The following GJA4 variants were observed in gnomAD, a reference collection of about 807,000 sequenced individuals.
GJA4 encodes the protein gap junction protein alpha 4, also known as gap junction alpha-4 protein.
A neutral mutation model predicts 25.1 loss-of-function variants in GJA4; 13 were observed. The ratio of observed to expected loss-of-function variants is 0.52; its 90% CI spans 0.34 to 0.82. GJA4 has a LOEUF of 0.82. Among genes scored for constraint, GJA4 ranks in the 40% least tolerant of loss-of-function variants. The pLI, the probability that GJA4 is intolerant of heterozygous loss-of-function variation, is 0.02. For synonymous variants in GJA4, 167 were observed against 193.9 expected, an observed-to-expected ratio of 0.86 and a Z score of 1.15; for missense variants, 357 against 443.5, an observed-to-expected ratio of 0.80 and a Z score of 1.75.
At position 34,794,596 on chromosome 1, in the gene GJA4, C is replaced by T. The variant is rs147128480; in HGVS notation, c.383C>T (p.Ala128Val). ...AKDPQVERAL[A>V]AVERQMAKIS... ...GACCCACAGGTGGAGCGGGCGCTGGCGGCCGTAGAGCGTCAGATGGCCAAG... is the reference window on the plus strand; with the variant it reads ...GACCCACAGGTGGAGCGGGCGCTGGTGGCCGTAGAGCGTCAGATGGCCAAG... The change falls in exon 2 of 2, where the codon GCG becomes GTG. Residue 128 changes from alanine (A) to valine (V), a missense_variant. Around this residue, in one of 2 missense-constraint regions of GJA4, gnomAD observed 278 missense variants for 298.1 expected, o/e 0.93. Coordinates refer to ENST00000342280, the MANE Select transcript of GJA4 (RefSeq NM_002060.3). This position sits in a 1 kb window ranked among gnomAD's most constrained non-coding sequence, Gnocchi z 7.8. 1.9e-5 allele frequency: 30 copies of T among 1,606,166 alleles called. No individual in the cohort carries two copies. In the East Asian group the frequency reaches 3.6e-4, roughly 19 times the overall value.
Position 34,793,037 on chromosome 1 carries a change from C to A in GJA4, c.-49C>A. On this transcript the variant is annotated 5_prime_UTR_variant, in exon 1 of 2. Transcript: ENST00000342280. Reference sequence around the variant, plus strand: ...CGGGCGTCACTCCGGCCATCGTCCCCACCTCCACCTGGGCCGCCCGGCAGG... The same window carrying A: ...CGGGCGTCACTCCGGCCATCGTCCCAACCTCCACCTGGGCCGCCCGGCAGG... 1 of 346,092 alleles carries A rather than the reference C, an allele frequency of 2.9e-6. No homozygotes were observed. Among genetic ancestry groups the A allele is most frequent in the Non-Finnish European group, 5.7e-6 (1 of 174,546 alleles). 21.4% of individuals were successfully genotyped at this position (346,092 alleles called of 1,614,324 possible). A position where few individuals can be genotyped will look rare whatever the true frequency, so the allele number is the denominator to read the frequency against.
Position 34,794,970 on chromosome 1 carries a change from G to A in GJA4, c.757G>A (p.Gly253Ser), listed in dbSNP as rs768388317. 4.3e-6 allele frequency: 7 copies of A among 1,613,966 alleles called. No homozygotes were observed. Among genetic ancestry groups the A allele is most frequent in the Non-Finnish European group, 5.1e-6 (6 of 1,180,008 alleles). ...RQGQDAPPTQ[G>S]TSSDPYTDQV... ...AGGCCAAGACGCACCCCCGACCCAG[G>A]GCACCTCCTCAGACCCTTACACGGA... The change falls in exon 2 of 2, where the codon GGC (glycine) becomes AGC (serine). Residue 253 changes from glycine (G) to serine (S), a missense_variant. Gly to Ser is a moderately conservative substitution (Grantham distance 56). Coordinates refer to ENST00000342280, the MANE Select transcript of GJA4 (RefSeq NM_002060.3). This position sits in a 1 kb window ranked among gnomAD's most constrained non-coding sequence, Gnocchi z 7.8.
intron 1 of GJA4, 103 bp downstream of exon 1, chr1:34,793,171 C>CCCG (rs1432934188): frequency 4.0e-6 from 1 of 251,588 alleles, no homozygotes; most frequent in African/African-American, 2.4e-5. Context: ...CTGCGGAACG[C>CCCG]CCGCCGCGAC....
chr1:34,794,604 G>C lies in GJA4; in HGVS notation c.391G>C (p.Glu131Gln), dbSNP rs376427272. 2 of 1,605,684 alleles carry C rather than the reference G, an allele frequency of 1.2e-6. No homozygotes were observed. Among genetic ancestry groups the C allele is most frequent in the African/African-American group, 2.7e-5 (2 of 74,922 alleles). The stretch of plus-strand genomic sequence containing the variant: ...GGTGGAGCGGGCGCTGGCGGCCGTA[G>C]AGCGTCAGATGGCCAAGATCTCGGT... ...PQVERALAAV[E>Q]RQMAKISVAE... is the part of the protein sequence containing the mutation. The change falls in exon 2 of 2, where the codon GAG becomes CAG. Residue 131 changes from glutamate to glutamine, a missense_variant. By Grantham distance (29) the Glu-to-Gln change is conservative. Around this residue, in one of 2 missense-constraint regions of GJA4, gnomAD observed 278 missense variants for 298.1 expected, o/e 0.93. Transcript: ENST00000342280. The surrounding 1 kb of genome is among the most constrained non-coding windows in gnomAD (Gnocchi z 7.8).
Position 34,794,901 on chromosome 1 carries a change from C to G in GJA4, c.688C>G (p.His230Asp), listed in dbSNP as rs1253474055. ...GGTGCTTAACCTGCTGGAGTTGGTG[C>G]ACCTGCTGTGTCGCTGCCTCAGCCG... ...SLVLNLLELV[H>D]LLCRCLSRGM... The change falls in exon 2 of 2, where the codon CAC becomes GAC. Residue 230 changes from histidine to aspartate, a missense_variant. His to Asp is a moderately conservative substitution (Grantham distance 81). Coordinates refer to ENST00000342280, the MANE Select transcript of GJA4 (RefSeq NM_002060.3). This position sits in a 1 kb window ranked among gnomAD's most constrained non-coding sequence, Gnocchi z 7.8. 1 of 1,614,176 alleles carries G rather than the reference C, an allele frequency of 6.2e-7. No individual in the cohort carries two copies. The highest frequency in any genetic ancestry group is 2.2e-5 in the East Asian group (1 of 44,868).
chr1:34,794,150 G>C lies in GJA4; in HGVS notation c.-17-47G>C. 1 of 1,480,868 alleles carries C rather than the reference G, an allele frequency of 6.8e-7. No individual in the cohort carries two copies. Among genetic ancestry groups the C allele is most frequent in the Non-Finnish European group, 9.2e-7 (1 of 1,081,824 alleles). 91.7% of individuals were successfully genotyped at this position (1,480,868 alleles called of 1,614,324 possible). A position where few individuals can be genotyped will look rare whatever the true frequency, so the allele number is the denominator to read the frequency against. ...CCTGCAGGCTTGTTGCTGGGCGAACGAGAAGGATGCCATGCTGACACACTG... is the reference window on the plus strand; with the variant it reads ...CCTGCAGGCTTGTTGCTGGGCGAACCAGAAGGATGCCATGCTGACACACTG... On this transcript the variant is annotated intron_variant, in intron 1 of 1. Transcript: ENST00000342280. This position sits in a 1 kb window ranked among gnomAD's most constrained non-coding sequence, Gnocchi z 7.8.
At chr1:34,793,283 A>G (rs1471705394) in intron 1 of GJA4, among the ~76,000 whole-genome samples, 1 of 152,238 alleles carries the variant, frequency 6.6e-6, no homozygotes, top group Non-Finnish European at 1.5e-5. Flanking sequence ...TTTCCACTCT[A>G]TCGTGGAGGA....
Position 34,795,529 on chromosome 1 carries a change from T to G in GJA4, c.*314T>G. 3.2e-6 allele frequency: 1 copy of G among 315,906 alleles called. No homozygotes were observed. Among genetic ancestry groups the G allele is most frequent in the Admixed American group, 4.7e-5 (1 of 21,404 alleles). 19.6% of individuals were successfully genotyped at this position (315,906 alleles called of 1,614,324 possible). ...GATCCAGAGGAACCCAGAGCCAACTTACCCCAACCTCACCCTATGGAACAG... is the reference window on the plus strand; with the variant it reads ...GATCCAGAGGAACCCAGAGCCAACTGACCCCAACCTCACCCTATGGAACAG... On this transcript the variant is annotated 3_prime_UTR_variant, in exon 2 of 2. Transcript: ENST00000342280.
chr1:34,794,581 T>G lies in GJA4; in HGVS notation c.368T>G (p.Val123Gly). 6.2e-7 allele frequency: 1 copy of G among 1,607,186 alleles called. No homozygotes were observed. Among genetic ancestry groups the G allele is most frequent in the Non-Finnish European group, 8.5e-7 (1 of 1,179,732 alleles). The change falls in exon 2 of 2, where the codon GTG (valine) becomes GGG (glycine). Residue 123 changes from valine to glycine, a missense_variant. This residue lies in a region of GJA4 where 278 missense variants were observed against 298.1 expected (regional missense o/e 0.93). Transcript: ENST00000342280. The surrounding 1 kb of genome is among the most constrained non-coding windows in gnomAD (Gnocchi z 7.8). Reference sequence around the variant, plus strand: ...GCACTGCCGGCCAAGGACCCACAGGTGGAGCGGGCGCTGGCGGCCGTAGAG... The same window carrying G: ...GCACTGCCGGCCAAGGACCCACAGGGGGAGCGGGCGCTGGCGGCCGTAGAG... ...LRALPAKDPQ[V>G]ERALAAVERQ...
Position 34,794,098 on chromosome 1 carries a change from G to A in GJA4, c.-17-99G>A. On this transcript the variant is annotated intron_variant, in intron 1 of 1. Transcript: ENST00000342280. This position sits in a 1 kb window ranked among gnomAD's most constrained non-coding sequence, Gnocchi z 7.8. The stretch of plus-strand genomic sequence containing the variant: ...CCCCTTCCTGAGCCTGGGTTTCTTT[G>A]TAGGTAGAACGGGCGTGGCAGACCT... 4.3e-6 allele frequency: 4 copies of A among 928,990 alleles called. No homozygotes were observed. Among genetic ancestry groups the A allele is most frequent in the Non-Finnish European group, 6.5e-6 (4 of 619,394 alleles). The allele number at this position is 928,990 out of a possible 1,614,324, so 57.5% of individuals were successfully genotyped here.
At chr1:34,793,336 G>A (rs1640215733) in intron 1 of GJA4, among the ~76,000 whole-genome samples, 1 of 152,256 alleles carries the variant, frequency 6.6e-6, no homozygotes, top group Admixed American at 6.5e-5. Flanking sequence ...AGGGGCCGCA[G>A]TTACTAAAAG....
chr1:34,794,225 G>T lies in GJA4; in HGVS notation c.12G>T (p.Trp4Cys), dbSNP rs1456966538. The change falls in exon 2 of 2, where the codon TGG becomes TGT. Residue 4 changes from tryptophan (W) to cysteine (C), a missense_variant. Trp to Cys is a radical substitution (Grantham distance 215). Transcript: ENST00000342280. The surrounding 1 kb of genome is among the most constrained non-coding windows in gnomAD (Gnocchi z 7.8). ...GAGGCCCGGGAGCCATGGGTGACTG[G>T]GGCTTCCTGGAGAAGTTGCTGGACC... MGD[W>C]GFLEKLLDQV... is the part of the protein sequence containing the mutation. 1 of 1,613,858 alleles carries T rather than the reference G, an allele frequency of 6.2e-7. No individual in the cohort carries two copies. Among genetic ancestry groups the T allele is most frequent in the East Asian group, 2.2e-5 (1 of 44,892 alleles).
chr1:34,793,511 G>C (rs185263357), intron 1 of GJA4, among the ~76,000 whole-genome samples: 1 of 152,328 alleles, frequency 6.6e-6, no homozygotes, highest in South Asian at 2.1e-4. Context: ...GAGGTGGAAG[G>C]GGGTGGGAGT....
intron 1 of GJA4, 79 bp downstream of exon 1, chr1:34,793,147 C>T (rs1047634693): frequency 8.1e-6 from 2 of 245,772 alleles, no homozygotes; most frequent in Non-Finnish European, 1.6e-5. Flanking sequence ...CCTCCGATGC[C>T]GGGACGGGGG....
rs1640259415 is a variant in GJA4 at position 34,794,835 on chromosome 1, A to G, written c.622A>G (p.Ile208Val). ...TGTCTCTCGCCCCACGGAGAAGACC[A>G]TCTTCATCATCTTCATGTTGGTGGT... ...CFVSRPTEKT[I>V]FIIFMLVVGL... Residue 208 changes from isoleucine to valine, a missense_variant, in exon 2 of 2, where the codon ATC becomes GTC. Physicochemically the swap from Ile to Val is conservative, Grantham distance 29 (BLOSUM62 3). Coordinates refer to ENST00000342280, the MANE Select transcript of GJA4 (RefSeq NM_002060.3). The surrounding 1 kb of genome is among the most constrained non-coding windows in gnomAD (Gnocchi z 7.8). 1 of 1,614,050 alleles carries G rather than the reference A, an allele frequency of 6.2e-7. No homozygotes were observed. The highest frequency in any genetic ancestry group is 8.5e-7 in the Non-Finnish European group (1 of 1,179,958).
chr1:34,794,574 C>G lies in GJA4; in HGVS notation c.361C>G (p.Pro121Ala). ...GELRALPAKDPQVERALAAVE... is the reference protein window; with the variant it reads ...GELRALPAKDAQVERALAAVE... Reference sequence around the variant, plus strand: ...GCTGCGGGCACTGCCGGCCAAGGACCCACAGGTGGAGCGGGCGCTGGCGGC... The same window carrying G: ...GCTGCGGGCACTGCCGGCCAAGGACGCACAGGTGGAGCGGGCGCTGGCGGC... Residue 121 changes from proline (P) to alanine (A), a missense_variant, in exon 2 of 2, where the codon CCA (proline) becomes GCA (alanine). By Grantham distance (27) the Pro-to-Ala change is conservative. Transcript: ENST00000342280. The surrounding 1 kb of genome is among the most constrained non-coding windows in gnomAD (Gnocchi z 7.8). 1 of 1,609,072 alleles carries G rather than the reference C, an allele frequency of 6.2e-7. No individual in the cohort carries two copies. Among genetic ancestry groups the G allele is most frequent in the Non-Finnish European group, 8.5e-7 (1 of 1,179,964 alleles).
In GJA4 at chr1:34,795,358, G is replaced by A; in HGVS notation, c.*143G>A. ...TGCTGGCCATGGAGCCTCATTGCAA[G>A]TTGTTCTTGAACACCTGAGGCCTTC... On this transcript the variant is annotated 3_prime_UTR_variant, in exon 2 of 2. Coordinates refer to ENST00000342280, the MANE Select transcript of GJA4 (RefSeq NM_002060.3). 1.6e-6 allele frequency: 1 copy of A among 624,876 alleles called. No individual in the cohort carries two copies. Among genetic ancestry groups the A allele is most frequent in the Non-Finnish European group, 2.9e-6 (1 of 347,256 alleles). 38.7% of individuals were successfully genotyped at this position (624,876 alleles called of 1,614,324 possible). A position where few individuals can be genotyped will look rare whatever the true frequency, so the allele number is the denominator to read the frequency against.
rs1640208371 is a variant in GJA4, at chr1:34,793,045, C to G, written c.-41C>G. The G allele has an allele frequency of 2.9e-6, 1 of 340,746 alleles. No individual in the cohort carries two copies. Among genetic ancestry groups the G allele is most frequent in the Non-Finnish European group, 5.8e-6 (1 of 172,006 alleles). 21.1% of individuals were successfully genotyped at this position (340,746 alleles called of 1,614,324 possible). On this transcript the variant is annotated 5_prime_UTR_variant, in exon 1 of 2. Transcript: ENST00000342280. ...ACTCCGGCCATCGTCCCCACCTCCA[C>G]CTGGGCCGCCCGGCAGGCAGGCGGT...
rs1012447395 is a variant in GJA4 at position 34,795,049 on chromosome 1, C to T, written c.836C>T (p.Pro279Leu). The stretch of plus-strand genomic sequence containing the variant: ...CAGGGGCCCTCATCCCCACCATGCC[C>T]CACCTACAATGGGCTCTCATCCAGT... The part of the protein sequence containing the change: ...VGQGPSSPPC[P>L]TYNGLSSSEQ... The change falls in exon 2 of 2, where the codon CCC becomes CTC. Residue 279 changes from proline to leucine, a missense_variant. Transcript: ENST00000342280. The T allele has an allele frequency of 3.1e-6, 5 of 1,613,452 alleles. No homozygotes were observed. The highest frequency in any genetic ancestry group is 4.2e-6 in the Non-Finnish European group (5 of 1,179,748).
Sources: allele counts gnomAD v4.1 joint callset (sites outside exome capture counted in the v4.1 genomes callset), GRCh38; gene constraint gnomAD v4.1.1; regional missense constraint gnomAD v4.1.1; non-coding constraint Gnocchi (gnomAD v3.1); transcripts MANE v1.5; gene names NCBI Gene and HGNC (gene_info 2026-07-23, HGNC 2026-07-21).